Variants in YWHAQ observed in about 807,000 individuals in gnomAD.
YWHAQ encodes the protein tyrosine 3-monooxygenase/tryptophan 5-monooxygenase activation protein theta, also known as 14-3-3 protein theta.
YWHAQ carries 6 observed loss-of-function variants against 28.3 expected under a neutral mutation model. The observed-to-expected ratio is 0.21, with a 90% CI of 0.12 to 0.42. YWHAQ has a LOEUF of 0.42. Among genes scored for constraint, YWHAQ ranks in the 10% least tolerant of loss-of-function variants. The pLI is 1.00. For missense variants in YWHAQ, 201 were observed against 305.6 expected (o/e 0.66, Z 2.55); for synonymous variants, 143 against 119.1 (o/e 1.20, Z -1.31).
intron 3 of YWHAQ, among the ~76,000 whole-genome samples, chr2:9,590,078 T>C (rs567195844): frequency 6.6e-6 from 1 of 152,290 alleles, no homozygotes; most frequent in East Asian, 1.9e-4. Context: ...TCTCAGCAAT[T>C]AGGCTATAAA....
intron 2 of YWHAQ, among the ~76,000 whole-genome samples, chr2:9,604,531 G>A (rs148694318): frequency 2.5e-3 from 374 of 152,276 alleles, no homozygotes; most frequent in Non-Finnish European, 4.2e-3. Context: ...CTTGAACACA[G>A]GTTTGAACTT....
chr2:9,585,405 G>T, intron 5 of YWHAQ, 60 bp from the exon 6 acceptor site: 1 of 1,560,336 alleles, frequency 6.4e-7, no homozygotes, highest in Non-Finnish European at 8.8e-7. Flanking sequence ...ACACTAAGTA[G>T]TATTGTTATA....
At chr2:9,625,263 A>C (rs530713197) in intron 2 of YWHAQ, among the ~76,000 whole-genome samples, 330 of 145,918 alleles carry the variant, frequency 2.3e-3, no homozygotes, top group Middle Eastern at 0.014. Context: ...CTCCATCACA[A>C]AAAAAAAAAA....
At chr2:9,602,862 A>AATATAT (rs71413909) in intron 2 of YWHAQ, among the ~76,000 whole-genome samples, 224 of 20,552 alleles carry the variant, frequency 0.011, 1 homozygote, top group Non-Finnish European at 0.013. Flanking sequence ...AAAAAAAAAA[A>AATATAT]ATATATATAT....
At chr2:9,610,913 C>G (rs1047605728) in intron 2 of YWHAQ, among the ~76,000 whole-genome samples, 3 of 152,180 alleles carry the variant, frequency 2.0e-5, no homozygotes, top group Non-Finnish European at 2.9e-5. Context: ...TAGCCCTAGG[C>G]AGAAACCTAG....
intron 2 of YWHAQ, among the ~76,000 whole-genome samples, chr2:9,623,410 T>C (rs1262500782): frequency 7.2e-5 from 11 of 152,246 alleles, no homozygotes; most frequent in Admixed American, 7.2e-4. Context: ...GCATAAAGCA[T>C]GCAACAACGA....
At chr2:9,599,515 C>A (rs1016011229) in intron 2 of YWHAQ, among the ~76,000 whole-genome samples, 1 of 152,142 alleles carries the variant, frequency 6.6e-6, no homozygotes, top group Non-Finnish European at 1.5e-5. Flanking sequence ...GAAGCCAATG[C>A]TCATTTAGCA....
intron 2 of YWHAQ, among the ~76,000 whole-genome samples, chr2:9,612,047 CACT>C (rs1366894173): frequency 3.9e-5 from 6 of 152,356 alleles, no homozygotes; most frequent in African/African-American, 9.6e-5. Flanking sequence ...CGTTCATCCA[CACT>C]ACCTCTGAGT....
chr2:9,604,627 C>T (rs925611737), intron 2 of YWHAQ, among the ~76,000 whole-genome samples: 5 of 152,132 alleles, frequency 3.3e-5, no homozygotes, highest in African/African-American at 9.7e-5. Context: ...GGATCACAAA[C>T]ACAGTATTAA....
Position 9,628,783 on chromosome 2 carries a change from A to G in YWHAQ, c.294+1376T>C, listed in dbSNP as rs1334257804. The G allele has an allele frequency of 2.0e-5, 3 of 152,204 alleles. 1 individual carries two copies. Among genetic ancestry groups the G allele is most frequent in the Non-Finnish European group, 4.4e-5 (3 of 68,028 alleles). The allele number at this position is 152,204 out of a possible 1,614,324, so 9.4% of individuals were successfully genotyped here. On this transcript the variant is annotated intron_variant, in intron 2 of 5. Coordinates refer to ENST00000238081, the MANE Select transcript of YWHAQ (RefSeq NM_006826.4). ...AGTGCTTCTTCAATGCCAAGCAGGG[A>G]CTGGAAGCTAAGAGCACACGGAAGA...
At chr2:9,628,064 C>T (rs866278164) in intron 2 of YWHAQ, among the ~76,000 whole-genome samples, 19 of 152,212 alleles carry the variant, frequency 1.2e-4, no homozygotes, top group African/African-American at 3.9e-4. Context: ...GCAAAATCCA[C>T]GGTTCTGTTT....
intron 3 of YWHAQ, among the ~76,000 whole-genome samples, chr2:9,591,161 T>C (rs895330995): frequency 6.6e-6 from 1 of 152,216 alleles, no homozygotes; most frequent in Non-Finnish European, 1.5e-5. Flanking sequence ...AATAATACCA[T>C]ATGAGATTAC....
intron 2 of YWHAQ, among the ~76,000 whole-genome samples, chr2:9,624,757 T>C (rs1185204585): frequency 6.6e-6 from 1 of 152,116 alleles, no homozygotes; most frequent in Non-Finnish European, 1.5e-5. Context: ...CACTCTTTTT[T>C]TTTTTTGAGA....
rs904367772 is a variant in YWHAQ, at chr2:9,630,071, C to G, written c.294+88G>C. On this transcript the variant is annotated intron_variant, in intron 2 of 5. Coordinates refer to ENST00000238081, the MANE Select transcript of YWHAQ (RefSeq NM_006826.4). This position sits in a 1 kb window ranked among gnomAD's most constrained non-coding sequence, Gnocchi z 5.6. ...CCCCAGCAGACAGTCCGGCAAGCCC[C>G]GGCTCACGTTTGTTTCCGTGCCCGC... 6.6e-7 allele frequency: 1 copy of G among 1,526,268 alleles called. No individual in the cohort carries two copies. The highest frequency in any genetic ancestry group is 8.9e-7 in the Non-Finnish European group (1 of 1,127,728). The allele number at this position is 1,526,268 out of a possible 1,614,324, so 94.5% of individuals were successfully genotyped here. A position where few individuals can be genotyped will look rare whatever the true frequency, so the allele number is the denominator to read the frequency against.
At chr2:9,610,333 T>C (rs1666918805) in intron 2 of YWHAQ, among the ~76,000 whole-genome samples, 1 of 152,182 alleles carries the variant, frequency 6.6e-6, no homozygotes, top group Non-Finnish European at 1.5e-5. Flanking sequence ...TGTAAAACAG[T>C]TACTGACAGT....
intron 5 of YWHAQ, among the ~76,000 whole-genome samples, chr2:9,586,652 C>A (rs1666348961): frequency 6.6e-6 from 1 of 152,140 alleles, no homozygotes; most frequent in Non-Finnish European, 1.5e-5. Flanking sequence ...TCAGTGGATT[C>A]ATAATTACCC....
chr2:9,628,226 A>C (rs1034248493), intron 2 of YWHAQ, among the ~76,000 whole-genome samples: 24 of 152,218 alleles, frequency 1.6e-4, no homozygotes, highest in Non-Finnish European at 3.1e-4. Context: ...TGAATATTTC[A>C]TTTATGCCTT....
intron 2 of YWHAQ, among the ~76,000 whole-genome samples, chr2:9,603,334 A>G (rs1360665128): frequency 6.7e-6 from 1 of 148,538 alleles, no homozygotes; most frequent in Non-Finnish European, 1.5e-5. Flanking sequence ...CAGTGACACG[A>G]TCTCAGCTCA....
At chr2:9,600,559 G>A (rs1409355132) in intron 2 of YWHAQ, among the ~76,000 whole-genome samples, 1 of 152,046 alleles carries the variant, frequency 6.6e-6, no homozygotes, top group Admixed American at 6.6e-5. Flanking sequence ...TACAAAATTA[G>A]TTGGGTGTGG....
Sources: gnomAD v4.1 joint callset for allele counts (sites outside exome capture counted in the v4.1 genomes callset) on GRCh38, gnomAD v4.1.1 for gene constraint, Gnocchi (gnomAD v3.1) non-coding constraint, MANE v1.5 for transcripts, NCBI Gene and HGNC (gene_info 2026-07-23, HGNC 2026-07-21) for gene names.